The following CEP135 variants were observed in gnomAD, a reference collection of about 807,000 sequenced individuals.
CEP135 encodes the protein centrosomal protein of 135 kDa.
CEP135 carries 142 observed loss-of-function variants against 157.3 expected under a neutral mutation model. The observed-to-expected ratio is 0.90, with a 90% CI of 0.79 to 1.04. The LOEUF (loss-of-function observed/expected upper bound fraction) is 1.04. Ranked by LOEUF, CEP135 falls within the 50% of genes least tolerant of loss-of-function variation. The probability of loss-of-function intolerance (pLI) is 0.00; values close to 1 mark genes in which losing one functional copy is unlikely to be tolerated. For missense variants in CEP135, 1,317 were observed against 1,309.2 expected (o/e 1.01, Z -0.09); for synonymous variants, 396 against 439.8 (o/e 0.90, Z 1.25).
At chr4:55,976,976 T>G (rs1024371982) in intron 11 of CEP135, among the ~76,000 whole-genome samples, 2 of 151,746 alleles carry the variant, frequency 1.3e-5, no homozygotes, top group African/African-American at 4.8e-5. Flanking sequence ...TGCCTGGCTT[T>G]TTTTTTTTTT....
chr4:56,006,017 A>G (rs1319366137), intron 17 of CEP135, among the ~76,000 whole-genome samples: 1 of 152,064 alleles, frequency 6.6e-6, no homozygotes, highest in Non-Finnish European at 1.5e-5. Flanking sequence ...TTAGGATCCT[A>G]TCTTTGTCCT....
intron 15 of CEP135, among the ~76,000 whole-genome samples, chr4:55,996,714 C>T (rs1235623494): frequency 3.5e-5 from 5 of 143,908 alleles, no homozygotes; most frequent in Non-Finnish European, 7.7e-5. Context: ...CAGTCTCCGT[C>T]TTTTTTTTTT....
At chr4:55,973,484 G>A (rs762126249) in intron 10 of CEP135, among the ~76,000 whole-genome samples, 2 of 152,148 alleles carry the variant, frequency 1.3e-5, no homozygotes, top group African/African-American at 4.8e-5. Context: ...GATTAAAAAC[G>A]TGTGCATCTT....
intron 21 of CEP135, among the ~76,000 whole-genome samples, chr4:56,016,558 GTATTA>G (rs1440595295): frequency 6.6e-6 from 1 of 152,016 alleles, no homozygotes; most frequent in African/African-American, 2.4e-5. Context: ...CAATACTAAA[GTATTA>G]TATTTGTTTA....
chr4:55,968,371 GGTGT>G (rs1343014273), intron 8 of CEP135, among the ~76,000 whole-genome samples: 1 of 138,182 alleles, frequency 7.2e-6, no homozygotes, highest in Non-Finnish European at 1.6e-5. Context: ...AAATCCCAGT[GGTGT>G]TTTTTTTTTT....
At chr4:55,988,048 A>G (rs954244177) in intron 14 of CEP135, among the ~76,000 whole-genome samples, 5 of 152,218 alleles carry the variant, frequency 3.3e-5, no homozygotes, top group Non-Finnish European at 7.3e-5. Flanking sequence ...CTATGGATAA[A>G]TTTACAGAAT....
At chr4:56,017,005 T>C (rs1385364144) in intron 21 of CEP135, among the ~76,000 whole-genome samples, 1 of 152,148 alleles carries the variant, frequency 6.6e-6, no homozygotes, top group African/African-American at 2.4e-5. Context: ...TATTTTTCAA[T>C]GCAGAATTCT....
chr4:55,979,619 A>G (rs1297169187), intron 11 of CEP135, among the ~76,000 whole-genome samples: 2 of 152,184 alleles, frequency 1.3e-5, no homozygotes, highest in African/African-American at 2.4e-5. Flanking sequence ...CAGGCACACA[A>G]GTACCCTGCT....
intron 17 of CEP135, among the ~76,000 whole-genome samples, chr4:56,005,092 G>T (rs549055147): frequency 1.3e-5 from 2 of 151,846 alleles, no homozygotes; most frequent in East Asian, 1.9e-4. Context: ...CTTACAAAAC[G>T]TATCTTTCTA....
At chr4:56,009,266 A>G (rs1296457628) in intron 18 of CEP135, among the ~76,000 whole-genome samples, 1 of 151,684 alleles carries the variant, frequency 6.6e-6, no homozygotes, top group African/African-American at 2.4e-5. Flanking sequence ...GGTTCACGCC[A>G]TTTTCCTGCC....
At chr4:55,988,059 C>A (rs1006990214) in intron 14 of CEP135, among the ~76,000 whole-genome samples, 1 of 152,060 alleles carries the variant, frequency 6.6e-6, no homozygotes, top group African/African-American at 2.4e-5. Flanking sequence ...TTTACAGAAT[C>A]TTTATAGGAA....
At chr4:55,974,656 T>G in intron 10 of CEP135, 90 bp from the exon 11 acceptor site, 1 of 931,544 alleles carries the variant, frequency 1.1e-6, no homozygotes, top group South Asian at 1.8e-5. Flanking sequence ...TCTAGTAGCT[T>G]TCATTCTAAA....
intron 21 of CEP135, among the ~76,000 whole-genome samples, chr4:56,013,032 T>A (rs1291797941): frequency 1.3e-5 from 2 of 152,220 alleles, no homozygotes; most frequent in Non-Finnish European, 2.9e-5. Flanking sequence ...AGGGTTCCAG[T>A]TGCTCCATAT....
intron 15 of CEP135, among the ~76,000 whole-genome samples, chr4:55,994,488 A>C (rs1340801856): frequency 6.6e-6 from 1 of 152,146 alleles, no homozygotes; most frequent in Non-Finnish European, 1.5e-5. Context: ...TCAAGGCTAC[A>C]GTGAGCTGTG....
chr4:55,985,210 C>T (rs1729536690), intron 13 of CEP135, 71 bp from the exon 14 acceptor site: 3 of 740,078 alleles, frequency 4.1e-6, no homozygotes, highest in East Asian at 2.6e-5. Flanking sequence ...TGTAGACTTA[C>T]ATTGCTTACT....
chr4:55,981,510 A>G, intron 13 of CEP135, 131 bp downstream of exon 13: 1 of 625,970 alleles, frequency 1.6e-6, no homozygotes. Flanking sequence ...TGAGCTAAGA[A>G]TGGATTAAGA....
intron 5 of CEP135, among the ~76,000 whole-genome samples, chr4:55,958,144 A>G (rs1308243824): frequency 6.6e-6 from 1 of 152,188 alleles, no homozygotes; most frequent in African/African-American, 2.4e-5. Flanking sequence ...GCTAAAAAAG[A>G]GCACTGGGAC....
chr4:55,961,085 G>A, intron 6 of CEP135, among the ~76,000 whole-genome samples: 1 of 139,392 alleles, frequency 7.2e-6, no homozygotes, highest in Admixed American at 7.6e-5. Context: ...CAGCCTGGGT[G>A]ACAGAGACTC....
chr4:55,974,665 A>G, intron 10 of CEP135, 81 bp from the exon 11 acceptor site: 3 of 1,035,794 alleles, frequency 2.9e-6, no homozygotes, highest in South Asian at 3.4e-5. Flanking sequence ...TTTCATTCTA[A>G]AAGTTATTAA....
Sources: gnomAD v4.1 joint callset for allele counts (sites outside exome capture counted in the v4.1 genomes callset) on GRCh38, gnomAD v4.1.1 for gene constraint, MANE v1.5 for transcripts, NCBI Gene and HGNC (gene_info 2026-07-23, HGNC 2026-07-21) for gene names.